PCDHA6: variants seen among roughly 807,000 people sequenced by gnomAD.
PCDHA6 encodes the protein protocadherin alpha 6.
PCDHA6 carries 55 observed loss-of-function variants against 60.3 expected under a neutral mutation model. The observed-to-expected ratio is 0.91, with a 90% CI of 0.73 to 1.14. The LOEUF (loss-of-function observed/expected upper bound fraction) is 1.14. Ranked by LOEUF, PCDHA6 falls within the 50% of genes most tolerant of loss-of-function variation. PCDHA6 has a pLI of 0.00. For missense variants in PCDHA6, 1,327 were observed against 1,256.5 expected, an observed-to-expected ratio of 1.06 and a Z score of -0.85; for synonymous variants, 652 against 557.9, an observed-to-expected ratio of 1.17 and a Z score of -2.38.
chr5:140,871,722 A>G (rs1354844618), intron 1 of PCDHA6: 1 of 760,470 alleles, frequency 1.3e-6, no homozygotes, highest in Non-Finnish European at 2.0e-6. Context: ...ATTTCTCTTA[A>G]TATTTGGTTA....
chr5:140,970,193 G>C (rs1243334467), intron 1 of PCDHA6, among the ~76,000 whole-genome samples: 2 of 152,166 alleles, frequency 1.3e-5, no homozygotes, highest in African/African-American at 4.8e-5. Context: ...ATTGTAAGAG[G>C]ATTTCCCTGA....
At chr5:140,928,044 T>A (rs782342331) in intron 1 of PCDHA6, 1 of 1,614,196 alleles carries the variant, frequency 6.2e-7, no homozygotes, top group South Asian at 1.1e-5. Context: ...GTGCAGGCCC[T>A]TTTCAGCTGA....
intron 1 of PCDHA6, among the ~76,000 whole-genome samples, chr5:140,961,451 T>C (rs1307588711): frequency 1.3e-5 from 2 of 152,238 alleles, no homozygotes; most frequent in Non-Finnish European, 2.9e-5. Context: ...TACACTGTCT[T>C]GCAGCTGCCT....
At position 140,828,611 on chromosome 5, in the gene PCDHA6, T is replaced by G; in HGVS notation, c.520T>G (p.Ser174Ala). 6.2e-7 allele frequency: 1 copy of G among 1,614,202 alleles called. No individual in the cohort carries two copies. Among genetic ancestry groups the G allele is most frequent in the Non-Finnish European group, 8.5e-7 (1 of 1,180,042 alleles). The change falls in exon 1 of 4, where the codon TCT becomes GCT. Residue 174 changes from serine (S) to alanine (A), a missense_variant. Transcript: ENST00000529310. ...SNSILTYKLS[S>A]SEYFGLDVKI... ...TTCCATCTTAACCTATAAACTCAGT[T>G]CTAGCGAATACTTCGGGCTAGATGT...
At chr5:140,977,107 T>C (rs1419522797) in intron 1 of PCDHA6, among the ~76,000 whole-genome samples, 2 of 152,166 alleles carry the variant, frequency 1.3e-5, no homozygotes, top group Non-Finnish European at 2.9e-5. Flanking sequence ...GGAAGTGAGA[T>C]TGTATAATGA....
At chr5:140,850,261 T>C (rs2150476326) in intron 1 of PCDHA6, 3 of 1,592,442 alleles carry the variant, frequency 1.9e-6, no homozygotes, top group African/African-American at 1.4e-5. Flanking sequence ...GGCGCCGGCG[T>C]AGTGGTGGGG....
chr5:140,924,754 G>T (rs1332624356), intron 1 of PCDHA6, among the ~76,000 whole-genome samples: 1 of 151,848 alleles, frequency 6.6e-6, no homozygotes, highest in African/African-American at 2.4e-5. Flanking sequence ...AATTAACCGA[G>T]CATGGTGGTG....
In PCDHA6 at chr5:140,927,795, G is replaced by T; in HGVS notation, c.2395-51154G>T. ...TGCAAGTAGCTGCTTCACTAGGTCC[G>T]CCTGAAACGCTCTTGGAGGCATACA... On this transcript the variant is annotated intron_variant, in intron 1 of 3. Transcript: ENST00000529310. The T allele has an allele frequency of 1.9e-6, 3 of 1,614,144 alleles. 1 individual carries two copies. The highest frequency in any genetic ancestry group is 2.2e-5 in the South Asian group (2 of 91,080).
intron 1 of PCDHA6, chr5:140,869,855 T>C: frequency 6.2e-7 from 1 of 1,610,578 alleles, no homozygotes; most frequent in Non-Finnish European, 8.5e-7. Context: ...AAGGTGAGCC[T>C]TATGGAAAAT....
chr5:140,856,813 G>T (rs150906180), intron 1 of PCDHA6: 1 of 1,594,284 alleles, frequency 6.3e-7, no homozygotes, highest in East Asian at 2.2e-5. Context: ...AAAATCAAGT[G>T]AACCAAACAT....
chr5:140,991,570 C>T (rs1554252306), intron 3 of PCDHA6, among the ~76,000 whole-genome samples: 1 of 152,220 alleles, frequency 6.6e-6, no homozygotes, highest in Non-Finnish European at 1.5e-5. Context: ...TTTCCAATAA[C>T]AGGCTCCTTA....
At chr5:140,834,559 T>A in intron 1 of PCDHA6, 2 of 1,614,090 alleles carry the variant, frequency 1.2e-6, no homozygotes, top group Middle Eastern at 1.7e-4. Context: ...CTGGCGGAGC[T>A]GGTGCCGCGC....
chr5:140,929,995 C>A (rs543771321), intron 1 of PCDHA6: 1 of 152,108 alleles, frequency 6.6e-6, no homozygotes, highest in Admixed American at 6.5e-5. Context: ...GGAATGACAC[C>A]CTAAAACATA....
chr5:141,001,316 C>T (rs2098007805), intron 3 of PCDHA6, among the ~76,000 whole-genome samples: 2 of 152,096 alleles, frequency 1.3e-5, no homozygotes, highest in African/African-American at 4.8e-5. Flanking sequence ...AAATAATTTG[C>T]CAAACATCAC....
chr5:140,828,142 G>T lies in PCDHA6; in HGVS notation c.51G>T (p.Pro17=). The T allele has an allele frequency of 6.2e-7, 1 of 1,613,968 alleles. No individual in the cohort carries two copies. The highest frequency in any genetic ancestry group is 8.5e-7 in the Non-Finnish European group (1 of 1,179,906). ...DRLGKQCLLL[P]LLLLAAWKVG... is the part of the protein sequence containing the mutation. ...TGGGAAAGCAATGTCTGCTCCTCCC[G>T]CTTCTGCTCCTCGCAGCCTGGAAGG... The change falls in exon 1 of 4, where the codon CCG becomes CCT. Residue 17 remains proline (P), a synonymous_variant. Coordinates refer to ENST00000529310, the MANE Select transcript of PCDHA6 (RefSeq NM_018909.4).
chr5:140,916,210 A>G, intron 1 of PCDHA6, among the ~76,000 whole-genome samples: 1 of 152,210 alleles, frequency 6.6e-6, no homozygotes, highest in East Asian at 1.9e-4. Context: ...GCCCTGGGGA[A>G]GATCCAAATA....
intron 1 of PCDHA6, among the ~76,000 whole-genome samples, chr5:140,953,351 C>G (rs1007094673): frequency 3.3e-5 from 5 of 152,122 alleles, no homozygotes; most frequent in Non-Finnish European, 5.9e-5. Context: ...TTCTTTTGTT[C>G]TGTGCACTCA....
At chr5:141,002,595 C>T (rs2098087240) in intron 3 of PCDHA6, among the ~76,000 whole-genome samples, 2 of 152,192 alleles carry the variant, frequency 1.3e-5, no homozygotes, top group Admixed American at 1.3e-4. Context: ...TTAGTCCCCT[C>T]ATCTATAAAA....
At chr5:140,900,954 A>T (rs942765998) in intron 1 of PCDHA6, among the ~76,000 whole-genome samples, 3 of 152,204 alleles carry the variant, frequency 2.0e-5, no homozygotes, top group Non-Finnish European at 2.9e-5. Context: ...TTCTCTGATT[A>T]TCAGTGATGT....
Sources: gnomAD v4.1 joint callset for allele counts (sites outside exome capture counted in the v4.1 genomes callset) on GRCh38, gnomAD v4.1.1 for gene constraint, MANE v1.5 for transcripts, NCBI Gene and HGNC (gene_info 2026-07-23, HGNC 2026-07-21) for gene names.